The following USH2A variants were observed in gnomAD, a reference collection of about 807,000 sequenced individuals.
USH2A encodes usherin.
USH2A carries 443 observed loss-of-function variants against 538.9 expected under a neutral mutation model. That is an observed-to-expected ratio of 0.82 (90% CI 0.76 to 0.89). The LOEUF (loss-of-function observed/expected upper bound fraction) is 0.89. Ranked by LOEUF, USH2A falls within the 40% of genes least tolerant of loss-of-function variation. USH2A has a pLI of 0.00. For synonymous variants in USH2A, 2,413 were observed against 2,273.5 expected, an observed-to-expected ratio of 1.06 and a Z score of -1.75; for missense variants, 6,633 against 6,324.8, an observed-to-expected ratio of 1.05 and a Z score of -1.65.
At chr1:216,417,700 CT>C (rs1302516062) in intron 3 of USH2A, among the ~76,000 whole-genome samples, 1 of 152,064 alleles carries the variant, frequency 6.6e-6, no homozygotes, top group Non-Finnish European at 1.5e-5. Flanking sequence ...TTTCTAAGGT[CT>C]CCCCAGAAGC....
intron 32 of USH2A, among the ~76,000 whole-genome samples, chr1:216,012,484 G>A (rs977335277): frequency 2.0e-5 from 3 of 152,060 alleles, no homozygotes; most frequent in Non-Finnish European, 2.9e-5. Flanking sequence ...CAGGGTCTGA[G>A]AAGGCCACCG....
intron 11 of USH2A, among the ~76,000 whole-genome samples, chr1:216,285,571 G>A (rs919013639): frequency 3.9e-5 from 6 of 152,242 alleles, no homozygotes; most frequent in Non-Finnish European, 7.3e-5. Flanking sequence ...AGTCCCCACT[G>A]GGGTACTGCC....
chr1:215,816,516 T>A (rs4330894), intron 48 of USH2A, among the ~76,000 whole-genome samples: 59,377 of 151,798 alleles, frequency 0.39, 12,004 homozygotes, highest in Admixed American at 0.52. Context: ...AAGGATTTTG[T>A]GTTGTTTGTC....
At chr1:216,283,325 C>T (rs759756126) in intron 11 of USH2A, among the ~76,000 whole-genome samples, 21 of 152,222 alleles carry the variant, frequency 1.4e-4, no homozygotes, top group Non-Finnish European at 2.5e-4. Flanking sequence ...CTGCTGACCT[C>T]GTGATCCACC....
At chr1:216,082,224 A>T (rs1463611722) in intron 26 of USH2A, among the ~76,000 whole-genome samples, 1 of 131,124 alleles carries the variant, frequency 7.6e-6, no homozygotes, top group Middle Eastern at 3.9e-3. Context: ...CACTGAAGAT[A>T]CAACTATAAA....
chr1:215,813,560 C>T (rs1662762281), intron 49 of USH2A, among the ~76,000 whole-genome samples, 176 bp downstream of exon 49: 1 of 152,086 alleles, frequency 6.6e-6, no homozygotes, highest in Non-Finnish European at 1.5e-5. Flanking sequence ...TTTAGCCTTG[C>T]TTATATTTTA....
chr1:215,910,736 T>C (rs994668727), intron 38 of USH2A, among the ~76,000 whole-genome samples: 1 of 151,914 alleles, frequency 6.6e-6, no homozygotes, highest in Non-Finnish European at 1.5e-5. Flanking sequence ...CTAAGTCATT[T>C]AATGTATCCC....
At chr1:215,912,521 A>ATACG (rs1665834654) in intron 38 of USH2A, among the ~76,000 whole-genome samples, 1 of 134,540 alleles carries the variant, frequency 7.4e-6, no homozygotes, top group East Asian at 2.1e-4. Context: ...ACGTGTATAT[A>ATACG]TATATATATA....
intron 11 of USH2A, among the ~76,000 whole-genome samples, chr1:216,279,682 C>G (rs148282211): frequency 8.5e-5 from 13 of 152,252 alleles, no homozygotes; most frequent in African/African-American, 2.9e-4. Flanking sequence ...TGACCACCAT[C>G]TTGACTACAG....
chr1:215,814,338 A>G lies in USH2A; in HGVS notation c.9571-434T>C, dbSNP rs969459034. ...ATAATAAAAATAGATATATTTAAAT[A>G]TATACATTTTTTATTATATAAAATT... On this transcript the variant is annotated intron_variant, in intron 48 of 71. Transcript: ENST00000307340. 2.7e-5 allele frequency among the ~76,000 whole-genome samples: 4 copies of G among 148,240 alleles called. No individual in the cohort carries two copies. In the South Asian group the frequency reaches 8.4e-4, roughly 31 times the overall value.
intron 4 of USH2A, among the ~76,000 whole-genome samples, chr1:216,334,281 A>G (rs1035379073): frequency 1.3e-5 from 2 of 152,026 alleles, no homozygotes; most frequent in African/African-American, 4.8e-5. Flanking sequence ...AATTTGAATT[A>G]GATTTTTATG....
chr1:216,063,186 T>C (rs114325714), intron 30 of USH2A, among the ~76,000 whole-genome samples: 1,756 of 152,312 alleles, frequency 0.012, 44 homozygotes, highest in African/African-American at 0.04. Context: ...TTTGGTACCT[T>C]GGTTTCTCAA....
intron 11 of USH2A, among the ~76,000 whole-genome samples, chr1:216,274,806 C>T (rs2036640610): frequency 6.6e-6 from 1 of 152,086 alleles, no homozygotes; most frequent in Non-Finnish European, 1.5e-5. Context: ...GTCTACAATG[C>T]CTGTCATTTG....
intron 21 of USH2A, among the ~76,000 whole-genome samples, chr1:216,126,574 A>G (rs1293177655): frequency 6.6e-6 from 1 of 152,004 alleles, no homozygotes; most frequent in South Asian, 2.1e-4. Context: ...TTCAATCTCT[A>G]TTCTTTATAA....
intron 65 of USH2A, among the ~76,000 whole-genome samples, chr1:215,650,139 T>C (rs1437890839): frequency 6.6e-6 from 1 of 152,244 alleles, no homozygotes; most frequent in Non-Finnish European, 1.5e-5. Context: ...GTTTTCCATG[T>C]ATTATTAGAG....
intron 69 of USH2A, among the ~76,000 whole-genome samples, chr1:215,635,015 C>T (rs1282453648): frequency 6.6e-6 from 1 of 152,070 alleles, no homozygotes; most frequent in Non-Finnish European, 1.5e-5. Flanking sequence ...AAAGAGGTTA[C>T]CAAAGTAACC....
Position 215,628,910 on chromosome 1 carries a change from A to G in USH2A, c.15423T>C (p.Leu5141=). 1 of 1,614,118 alleles carries G rather than the reference A, an allele frequency of 6.2e-7. No homozygotes were observed. The highest frequency in any genetic ancestry group is 1.3e-5 in the African/African-American group (1 of 75,050). Residue 5141 remains leucine (L), a synonymous_variant, in exon 71 of 72, where the codon CTT becomes CTC. Transcript: ENST00000307340. ...QTSLTYSQGS[L]HRSVSQLMDI... ...CCATGAGCTGGCTGACGCTGCGGTG[A>G]AGAGAACCCTGGGAGTAGGTTAGGC...
chr1:215,973,940 T>TCACACACACACACACACACA (rs140368318), intron 35 of USH2A, among the ~76,000 whole-genome samples: 3 of 146,288 alleles, frequency 2.1e-5, no homozygotes, highest in African/African-American at 7.6e-5. Context: ...ATAGGTGAGA[T>TCACACACACACACACACACA]CACACACACA....
At chr1:216,333,822 TA>T (rs372865207) in intron 4 of USH2A, among the ~76,000 whole-genome samples, 2,123 of 151,234 alleles carry the variant, frequency 0.014, 15 homozygotes, top group South Asian at 0.026. Context: ...TTTAAAGTCG[TA>T]AAAAAAAACT....
Sources: allele counts gnomAD v4.1 joint callset (sites outside exome capture counted in the v4.1 genomes callset), GRCh38; gene constraint gnomAD v4.1.1; transcripts MANE v1.5; gene names NCBI Gene and HGNC (gene_info 2026-07-23, HGNC 2026-07-21).